The following FERRY3 variants were observed in gnomAD, a reference collection of about 807,000 sequenced individuals.
The protein encoded by FERRY3 is protein C12orf4.
the FERRY3 span, among the ~76,000 whole-genome samples, chr12:4,498,362 GTGA>G: frequency 2.0e-5 from 3 of 152,136 alleles, no homozygotes; most frequent in African/African-American, 4.8e-5. Context: ...AGACTAGTTA[GTGA>G]TGATGATTTA....
the FERRY3 span, chr12:4,502,180 C>T: frequency 5.8e-4 from 170 of 292,722 alleles, no homozygotes; most frequent in Non-Finnish European, 9.8e-4. This position sits in a 1 kb window ranked among gnomAD's most constrained non-coding sequence, Gnocchi z 4.2. Flanking sequence ...TCACCTTATT[C>T]GGTTTTATTT....
chr12:4,489,882 C>T, the FERRY3 span: 1 of 1,607,446 alleles, frequency 6.2e-7, no homozygotes, highest in Non-Finnish European at 8.5e-7. Flanking sequence ...GTTGATAAAA[C>T]ATTTCTTCAG....
chr12:4,491,822 A>G, the FERRY3 span, among the ~76,000 whole-genome samples: 1 of 152,284 alleles, frequency 6.6e-6, no homozygotes, highest in East Asian at 1.9e-4. Context: ...CAAACACCAG[A>G]ATTGTTTTTC....
the FERRY3 span, chr12:4,489,649 T>C: frequency 1.6e-5 from 8 of 507,258 alleles, no homozygotes; most frequent in African/African-American, 1.4e-4. Context: ...GTGCAGTATA[T>C]AAATTTTTGG....
At chr12:4,521,414 G>GA in the FERRY3 span, among the ~76,000 whole-genome samples, 2 of 151,704 alleles carry the variant, frequency 1.3e-5, no homozygotes, top group Non-Finnish European at 2.9e-5. Flanking sequence ...AGAAAAGCAA[G>GA]AAAAAAACCC....
the FERRY3 span, chr12:4,529,954 G>C: frequency 6.2e-7 from 1 of 1,613,478 alleles, no homozygotes; most frequent in Non-Finnish European, 8.5e-7. Context: ...AAATTTAAGA[G>C]AGTTTCAGAG....
chr12:4,528,744 T>C, the FERRY3 span, among the ~76,000 whole-genome samples: 1 of 152,106 alleles, frequency 6.6e-6, no homozygotes, highest in Non-Finnish European at 1.5e-5. Context: ...CCTTATTATT[T>C]TTCTGTACTT....
At chr12:4,534,166 A>G in the FERRY3 span, 1 of 1,585,796 alleles carries the variant, frequency 6.3e-7, no homozygotes, top group Non-Finnish European at 8.6e-7. Flanking sequence ...CCTCAGCATA[A>G]GCTTTGGCCC....
At chr12:4,534,173 G>A in the FERRY3 span, 1 of 1,606,208 alleles carries the variant, frequency 6.2e-7, no homozygotes, top group South Asian at 1.1e-5. Context: ...ATAAGCTTTG[G>A]CCCATGTACT....
the FERRY3 span, among the ~76,000 whole-genome samples, chr12:4,498,464 T>G: frequency 1.3e-5 from 2 of 152,158 alleles, no homozygotes; most frequent in African/African-American, 4.8e-5. Context: ...GATACCATAT[T>G]AGGTATGACT....
the FERRY3 span, chr12:4,491,313 T>G: frequency 7.8e-7 from 1 of 1,287,556 alleles, no homozygotes; most frequent in Non-Finnish European, 1.1e-6. Flanking sequence ...TTATCTATAG[T>G]GTTGACTATC....
chr12:4,516,302 T>TGAA, the FERRY3 span, among the ~76,000 whole-genome samples: 1 of 152,154 alleles, frequency 6.6e-6, no homozygotes, highest in South Asian at 2.1e-4. Flanking sequence ...CTCAGAACCT[T>TGAA]GAAGAAAATC....
chr12:4,501,330 A>G, the FERRY3 span, among the ~76,000 whole-genome samples: 2 of 152,178 alleles, frequency 1.3e-5, no homozygotes, highest in African/African-American at 2.4e-5. Flanking sequence ...ATATCATATT[A>G]TATCTCTCCC....
At chr12:4,536,922 G>T in the FERRY3 span, among the ~76,000 whole-genome samples, 289 of 152,304 alleles carry the variant, frequency 1.9e-3, 1 homozygote, top group African/African-American at 6.7e-3. Context: ...CTACACTGAA[G>T]TTATAGTAAT....
At chr12:4,515,665 G>T in the FERRY3 span, among the ~76,000 whole-genome samples, 1 of 152,190 alleles carries the variant, frequency 6.6e-6, no homozygotes, top group South Asian at 2.1e-4. Flanking sequence ...GGGGAAATGG[G>T]GAGATTTTGG....
At chr12:4,517,067 A>G in the FERRY3 span, 16 of 1,549,834 alleles carry the variant, frequency 1.0e-5, no homozygotes, top group Admixed American at 2.3e-4. Context: ...CCACCAAGTG[A>G]TTCTTTCAAT....
the FERRY3 span, among the ~76,000 whole-genome samples, chr12:4,507,533 A>T: frequency 6.6e-6 from 1 of 152,194 alleles, no homozygotes; most frequent in African/African-American, 2.4e-5. Flanking sequence ...AATTATCTTT[A>T]GGAATCTCTT....
the FERRY3 span, among the ~76,000 whole-genome samples, chr12:4,515,435 A>G: frequency 6.6e-6 from 1 of 152,202 alleles, no homozygotes; most frequent in Non-Finnish European, 1.5e-5. Flanking sequence ...CACATACACA[A>G]ACAGACACAC....
At chr12:4,515,055 A>C in the FERRY3 span, among the ~76,000 whole-genome samples, 1 of 152,150 alleles carries the variant, frequency 6.6e-6, no homozygotes, top group Non-Finnish European at 1.5e-5. Flanking sequence ...CATTGTGCAC[A>C]TGTACCCTAA....
Sources: allele counts gnomAD v4.1 joint callset (sites outside exome capture counted in the v4.1 genomes callset), GRCh38; gene constraint gnomAD v4.1.1; non-coding constraint Gnocchi (gnomAD v3.1); transcripts MANE v1.5; gene names NCBI Gene and HGNC (gene_info 2026-07-23, HGNC 2026-07-21).